The following NOS1AP variants were observed in gnomAD, a reference collection of about 807,000 sequenced individuals.
NOS1AP encodes nitric oxide synthase 1 adaptor protein, also known as carboxyl-terminal PDZ ligand of neuronal nitric oxide synthase protein.
A neutral mutation model predicts 56.2 loss-of-function variants in NOS1AP; 21 were observed. That is an observed-to-expected ratio of 0.37 (90% CI 0.26 to 0.54). NOS1AP has a LOEUF of 0.54. Among genes scored for constraint, NOS1AP ranks in the 20% least tolerant of loss-of-function variants. The probability of loss-of-function intolerance (pLI) is 0.84; values close to 1 mark genes in which losing one functional copy is unlikely to be tolerated. For missense variants in NOS1AP, 522 were observed against 657.8 expected, an observed-to-expected ratio of 0.79 and a Z score of 2.26; for synonymous variants, 270 against 274.6, an observed-to-expected ratio of 0.98 and a Z score of 0.17.
intron 1 of NOS1AP, among the ~76,000 whole-genome samples, chr1:162,076,298 C>T (rs1226051000): frequency 6.6e-6 from 1 of 152,170 alleles, no homozygotes; most frequent in African/African-American, 2.4e-5. Context: ...ACCCTGCAAA[C>T]TTGATCTTTG....
intron 1 of NOS1AP, among the ~76,000 whole-genome samples, chr1:162,115,136 C>G (rs1487872044): frequency 6.6e-6 from 1 of 152,178 alleles, no homozygotes; most frequent in Non-Finnish European, 1.5e-5. Context: ...GTGAACAAGA[C>G]AGACAGGATC....
intron 1 of NOS1AP, among the ~76,000 whole-genome samples, chr1:162,108,046 G>A (rs918608784): frequency 6.6e-6 from 1 of 152,174 alleles, no homozygotes; most frequent in East Asian, 1.9e-4. Context: ...TAGAAACATG[G>A]TCTACCTCTG....
intron 1 of NOS1AP, among the ~76,000 whole-genome samples, chr1:162,083,932 A>G (rs1210857704): frequency 6.6e-6 from 1 of 152,214 alleles, no homozygotes; most frequent in Non-Finnish European, 1.5e-5. Context: ...TCAGCTGCTC[A>G]TTGGAATCTC....
chr1:162,310,501 A>G (rs1655988930), intron 4 of NOS1AP, among the ~76,000 whole-genome samples: 1 of 152,236 alleles, frequency 6.6e-6, no homozygotes, highest in Non-Finnish European at 1.5e-5. Flanking sequence ...ATGAGTGTCC[A>G]TCACTCTAGT....
chr1:162,210,163 G>T (rs1015737055), intron 2 of NOS1AP, among the ~76,000 whole-genome samples: 1 of 152,192 alleles, frequency 6.6e-6, no homozygotes, highest in African/African-American at 2.4e-5. Flanking sequence ...GGGGGAGAGA[G>T]TATCACTTTA....
intron 3 of NOS1AP, among the ~76,000 whole-genome samples, chr1:162,298,703 ACAAT>A (rs1655548814): frequency 6.6e-6 from 1 of 152,254 alleles, no homozygotes; most frequent in East Asian, 1.9e-4. Context: ...TAAAAAAAAG[ACAAT>A]CAACTGGTGC....
intron 2 of NOS1AP, among the ~76,000 whole-genome samples, chr1:162,265,299 A>G (rs1429916728): frequency 6.6e-6 from 1 of 151,468 alleles, no homozygotes; most frequent in African/African-American, 2.4e-5. Context: ...ACATATATAT[A>G]CATGTGCCAT....
intron 2 of NOS1AP, among the ~76,000 whole-genome samples, chr1:162,257,648 CAA>C (rs548538740): frequency 7.8e-6 from 1 of 128,610 alleles, no homozygotes. Context: ...GACTCCATCT[CAA>C]AAAAAAAAAA....
intron 1 of NOS1AP, among the ~76,000 whole-genome samples, chr1:162,079,412 TGG>T (rs1570991836): frequency 6.6e-6 from 1 of 152,214 alleles, no homozygotes; most frequent in East Asian, 1.9e-4. Flanking sequence ...TCCTAATTCA[TGG>T]TTTATTTTCT....
chr1:162,153,263 G>A (rs1230203903), intron 1 of NOS1AP, among the ~76,000 whole-genome samples: 1 of 152,180 alleles, frequency 6.6e-6, no homozygotes, highest in African/African-American at 2.4e-5. Context: ...CGAGTAGCTG[G>A]AATTACAGGC....
intron 2 of NOS1AP, among the ~76,000 whole-genome samples, chr1:162,254,196 C>T (rs72715987): frequency 0.031 from 4,755 of 152,280 alleles, 106 homozygotes; most frequent in Non-Finnish European, 0.047. Context: ...ATAGTAGATT[C>T]TTGGTCAATG....
At chr1:162,357,613 A>T (rs1296831127) in intron 8 of NOS1AP, among the ~76,000 whole-genome samples, 1 of 148,778 alleles carries the variant, frequency 6.7e-6, no homozygotes, top group African/African-American at 2.4e-5. Context: ...TGTCTATAAC[A>T]GGTTTCCCAG....
chr1:162,352,478 C>G (rs530030342), intron 6 of NOS1AP, among the ~76,000 whole-genome samples: 26 of 151,874 alleles, frequency 1.7e-4, no homozygotes, highest in Admixed American at 1.6e-3. Context: ...TAGGCCAGGC[C>G]TTTTTCCTGA....
intron 2 of NOS1AP, among the ~76,000 whole-genome samples, chr1:162,279,499 C>T (rs1654849767): frequency 6.6e-6 from 1 of 152,228 alleles, no homozygotes; most frequent in Admixed American, 6.5e-5. Flanking sequence ...CTTCCACCTT[C>T]TCAACGTTCC....
At chr1:162,161,186 T>C (rs1650198935) in intron 2 of NOS1AP, among the ~76,000 whole-genome samples, 1 of 152,226 alleles carries the variant, frequency 6.6e-6, no homozygotes. Context: ...TCTCCCCTTC[T>C]CAAGGTCCTT....
chr1:162,250,454 C>T (rs139215465), intron 2 of NOS1AP, among the ~76,000 whole-genome samples: 5 of 152,292 alleles, frequency 3.3e-5, no homozygotes, highest in African/African-American at 4.8e-5. Context: ...CAGAAGCAGG[C>T]GAATCCATTT....
chr1:162,263,433 A>G (rs1353616472), intron 2 of NOS1AP, among the ~76,000 whole-genome samples: 1 of 151,876 alleles, frequency 6.6e-6, no homozygotes, highest in African/African-American at 2.4e-5. Context: ...AGACCTAAAC[A>G]CCTCCCATTA....
At chr1:162,076,374 A>G (rs1558088314) in intron 1 of NOS1AP, among the ~76,000 whole-genome samples, 1 of 152,202 alleles carries the variant, frequency 6.6e-6, no homozygotes. Context: ...GAGAATGTCT[A>G]TTCTGATCCT....
chr1:162,186,149 A>G (rs1300741412), intron 2 of NOS1AP, among the ~76,000 whole-genome samples: 1 of 152,214 alleles, frequency 6.6e-6, no homozygotes, highest in Non-Finnish European at 1.5e-5. Flanking sequence ...CCATTTATTT[A>G]AGACCTTAAG....
Sources: allele counts gnomAD v4.1 joint callset (sites outside exome capture counted in the v4.1 genomes callset), GRCh38; gene constraint gnomAD v4.1.1; transcripts MANE v1.5; gene names NCBI Gene and HGNC (gene_info 2026-07-23, HGNC 2026-07-21).